PDE3B: variants seen among roughly 807,000 people sequenced by gnomAD.
PDE3B encodes cGMP-inhibited 3',5'-cyclic phosphodiesterase 3B.
In PDE3B, 66 loss-of-function variants were observed where a neutral mutation model predicts 116.8. That is an observed-to-expected ratio of 0.56 (90% confidence interval 0.46 to 0.69). The LOEUF (loss-of-function observed/expected upper bound fraction) is 0.69. PDE3B is among the 30% of genes least tolerant of loss of function. PDE3B has a pLI of 0.00. For synonymous variants in PDE3B, 595 were observed against 533.6 expected (o/e 1.12, Z -1.59); for missense variants, 1,384 against 1,368.1 (o/e 1.01, Z -0.18).
chr11:14,714,955 T>A (rs962261945), intron 1 of PDE3B, among the ~76,000 whole-genome samples: 2 of 151,336 alleles, frequency 1.3e-5, no homozygotes, highest in Admixed American at 1.3e-4. Context: ...TAAATATTCT[T>A]AAATATTCTA....
intron 1 of PDE3B, among the ~76,000 whole-genome samples, chr11:14,771,726 T>C (rs1461852094): frequency 6.6e-6 from 1 of 151,796 alleles, no homozygotes; most frequent in African/African-American, 2.4e-5. Context: ...TTAGTTACTT[T>C]ATTGTGATAA....
At chr11:14,865,029 C>CA (rs1347390502) in intron 14 of PDE3B, among the ~76,000 whole-genome samples, 2 of 151,894 alleles carry the variant, frequency 1.3e-5, no homozygotes, top group African/African-American at 2.4e-5. Flanking sequence ...GAAAACCCTT[C>CA]AAAAAAATCA....
rs1038029385 is a variant in PDE3B, at chr11:14,741,332, A to C, written c.979-30605A>C. 2.6e-5 allele frequency among the ~76,000 whole-genome samples: 4 copies of C among 151,990 alleles called. 1 individual carries two copies. Among genetic ancestry groups the C allele is most frequent in the African/African-American group, 9.7e-5 (4 of 41,328 alleles). Reference sequence around the variant, plus strand: ...TAGGATAGTTAGCTCTTTTTGTTGCATTGATCTGTTTACCATTATGTAATG... The same window carrying C: ...TAGGATAGTTAGCTCTTTTTGTTGCCTTGATCTGTTTACCATTATGTAATG... On this transcript the variant is annotated intron_variant, in intron 1 of 15. Transcript: ENST00000282096.
At chr11:14,726,545 A>C (rs768331661) in intron 1 of PDE3B, among the ~76,000 whole-genome samples, 19 of 152,304 alleles carry the variant, frequency 1.2e-4, no homozygotes, top group Non-Finnish European at 2.1e-4. Flanking sequence ...GATAGTATGG[A>C]GCCAAACCAG....
At chr11:14,679,576 C>T (rs1176257161) in intron 1 of PDE3B, among the ~76,000 whole-genome samples, 1 of 151,878 alleles carries the variant, frequency 6.6e-6, no homozygotes, top group East Asian at 1.9e-4. Context: ...ATCTCTTCTT[C>T]ACTCGGGACC....
intron 4 of PDE3B, among the ~76,000 whole-genome samples, chr11:14,797,324 T>G (rs1858588458): frequency 6.6e-6 from 1 of 152,250 alleles, no homozygotes; most frequent in Non-Finnish European, 1.5e-5. Context: ...GGTGTTTTGG[T>G]TACTGTAGCC....
chr11:14,751,550 G>A (rs943217107), intron 1 of PDE3B, among the ~76,000 whole-genome samples: 4 of 152,188 alleles, frequency 2.6e-5, no homozygotes, highest in Middle Eastern at 3.4e-3. Context: ...GATATCAGCC[G>A]TATTGTTTTG....
chr11:14,764,424 C>T (rs1482148654), intron 1 of PDE3B, among the ~76,000 whole-genome samples: 3 of 152,104 alleles, frequency 2.0e-5, no homozygotes, highest in African/African-American at 4.8e-5. Flanking sequence ...GCTGAGTAAT[C>T]AGTAGAATCA....
At chr11:14,671,794 G>A (rs1270073758) in intron 1 of PDE3B, among the ~76,000 whole-genome samples, 3 of 151,690 alleles carry the variant, frequency 2.0e-5, no homozygotes, top group Non-Finnish European at 2.9e-5. Context: ...TTGGGAGGCC[G>A]AGATGGGAGG....
At chr11:14,663,709 A>G (rs935490661) in intron 1 of PDE3B, among the ~76,000 whole-genome samples, 39 of 152,244 alleles carry the variant, frequency 2.6e-4, no homozygotes, top group Non-Finnish European at 4.0e-4. Flanking sequence ...CAATTCAACA[A>G]GAAGAGCTAA....
intron 1 of PDE3B, among the ~76,000 whole-genome samples, chr11:14,688,185 C>G (rs940161943): frequency 6.6e-6 from 1 of 151,030 alleles, no homozygotes; most frequent in Non-Finnish European, 1.5e-5. Context: ...CCCTCTCCCC[C>G]TCTCCCTCTT....
chr11:14,715,639 A>G (rs889284726), intron 1 of PDE3B, among the ~76,000 whole-genome samples: 3 of 152,316 alleles, frequency 2.0e-5, no homozygotes, highest in Non-Finnish European at 2.9e-5. Context: ...GAAGTTGCCT[A>G]TCAGCTTAAG....
At chr11:14,805,909 C>T (rs182428751) in intron 5 of PDE3B, among the ~76,000 whole-genome samples, 3 of 152,312 alleles carry the variant, frequency 2.0e-5, no homozygotes, top group African/African-American at 7.2e-5. Flanking sequence ...TATCCCTGGT[C>T]ATCAGAGAAA....
chr11:14,898,478 C>T, the PDE3B span, among the ~76,000 whole-genome samples: 5 of 152,106 alleles, frequency 3.3e-5, no homozygotes, highest in Non-Finnish European at 7.3e-5. Context: ...GAAGTCATAG[C>T]GTGACCTGAT....
At position 14,819,142 on chromosome 11, in the gene PDE3B, A is replaced by C; in HGVS notation, c.1740A>C (p.Gly580=). 1 of 1,578,904 alleles carries C rather than the reference A, an allele frequency of 6.3e-7. No individual in the cohort carries two copies. Among genetic ancestry groups the C allele is most frequent in the Non-Finnish European group, 8.7e-7 (1 of 1,152,162 alleles). ...NSDSNLCNSC[G]HQMLKYVSTS... The stretch of plus-strand genomic sequence containing the variant: ...ATCTATTTTATTCTATAAGCTGTGG[A>C]CATCAAATGCTGAAATATGTTTCAA... Residue 580 remains glycine (G), a synonymous_variant, in exon 7 of 16, where the codon GGA becomes GGC. Transcript: ENST00000282096.
chr11:14,878,163 A>G, the PDE3B span: 5 of 1,613,172 alleles, frequency 3.1e-6, no homozygotes, highest in Non-Finnish European at 3.4e-6. Context: ...TGGGGCTGCA[A>G]TGTCATGCCT....
At chr11:14,662,844 A>C (rs570007659) in intron 1 of PDE3B, among the ~76,000 whole-genome samples, 5 of 152,378 alleles carry the variant, frequency 3.3e-5, no homozygotes, top group African/African-American at 1.2e-4. Context: ...GGTGTACCTG[A>C]AAGTGACGGG....
intron 5 of PDE3B, among the ~76,000 whole-genome samples, chr11:14,806,309 G>A (rs932112140): frequency 1.1e-4 from 17 of 151,256 alleles, no homozygotes; most frequent in African/African-American, 3.6e-4. Context: ...TCAGCTGGGC[G>A]TGGTGGCAGG....
the PDE3B span, among the ~76,000 whole-genome samples, chr11:14,888,750 CAG>C: frequency 1.3e-5 from 2 of 152,166 alleles, no homozygotes; most frequent in Non-Finnish European, 2.9e-5. Context: ...AATCCTTACA[CAG>C]AATCTCATTC....
Sources: gnomAD v4.1 joint callset for allele counts (sites outside exome capture counted in the v4.1 genomes callset) on GRCh38, gnomAD v4.1.1 for gene constraint, MANE v1.5 for transcripts, NCBI Gene and HGNC (gene_info 2026-07-23, HGNC 2026-07-21) for gene names.